LEKR1: variants seen among roughly 807,000 people sequenced by gnomAD.
LEKR1 encodes the protein leucine, glutamate and lysine rich 1.
LEKR1 carries 59 observed loss-of-function variants against 72.4 expected under a neutral mutation model. The ratio of observed to expected loss-of-function variants is 0.82; its 90% CI spans 0.66 to 1.01. The LOEUF is 1.01. Among genes scored for constraint, LEKR1 ranks in the 50% least tolerant of loss-of-function variants. LEKR1 has a pLI of 0.00. For synonymous variants in LEKR1, 257 were observed against 263.2 expected (o/e 0.98, Z 0.23); for missense variants, 728 against 759.2 (o/e 0.96, Z 0.48).
intron 4 of LEKR1, 37 bp downstream of exon 4, chr3:156,920,731 A>C (rs1405317530): frequency 1.8e-6 from 2 of 1,139,424 alleles, no homozygotes; most frequent in South Asian, 1.5e-5. Flanking sequence ...AAGATTGAAA[A>C]GATATGCTTA....
intron 7 of LEKR1, among the ~76,000 whole-genome samples, chr3:156,987,889 C>T (rs141750163): frequency 2.0e-5 from 3 of 152,256 alleles, no homozygotes; most frequent in African/African-American, 2.4e-5. Context: ...AGGCAATCTT[C>T]AAGCAATTAA....
chr3:157,043,924 G>A (rs1484023149), intron 12 of LEKR1, among the ~76,000 whole-genome samples: 1 of 152,154 alleles, frequency 6.6e-6, no homozygotes, highest in Non-Finnish European at 1.5e-5. Flanking sequence ...CAGGAATGCA[G>A]CTTTTATAAA....
chr3:156,919,826 C>G (rs903114955), intron 3 of LEKR1, among the ~76,000 whole-genome samples: 38 of 152,246 alleles, frequency 2.5e-4, no homozygotes, highest in Non-Finnish European at 5.0e-4. Context: ...TGTCAGACAT[C>G]TTTTTCCTCA....
At position 157,045,702 on chromosome 3, in the gene LEKR1, T is replaced by G; in HGVS notation, c.2031T>G (p.Thr677=). 1 of 1,612,960 alleles carries G rather than the reference T, an allele frequency of 6.2e-7. No individual in the cohort carries two copies. Among genetic ancestry groups the G allele is most frequent in the Non-Finnish European group, 8.5e-7 (1 of 1,179,998 alleles). Residue 677 remains threonine, a synonymous_variant, in exon 13 of 13, where the codon ACT becomes ACG. Coordinates refer to ENST00000356539, the MANE Select transcript of LEKR1 (RefSeq NM_001004316.3). ...GTGGAGCATCTTCAGCAAATGAGAC[T>G]AGACAGAGACTGGCTGCCATTCTTA... ...PRGGASSANE[T]RQRLAAILRR...
chr3:156,975,015 C>T (rs1023546721), intron 6 of LEKR1, among the ~76,000 whole-genome samples: 6 of 152,080 alleles, frequency 3.9e-5, no homozygotes, highest in Admixed American at 1.3e-4. Context: ...CTAACATGTG[C>T]GTGTTACTCC....
intron 3 of LEKR1, among the ~76,000 whole-genome samples, chr3:156,920,344 C>G (rs1457865878): frequency 1.3e-5 from 2 of 152,142 alleles, no homozygotes; most frequent in Non-Finnish European, 2.9e-5. Context: ...AGTTCTGCCT[C>G]TCTTCAATAT....
At chr3:156,994,101 C>T (rs1297626589) in intron 9 of LEKR1, among the ~76,000 whole-genome samples, 3 of 152,028 alleles carry the variant, frequency 2.0e-5, no homozygotes, top group African/African-American at 7.2e-5. Context: ...GCACAGAAGG[C>T]ACATGATAGG....
At chr3:156,891,176 T>A (rs1433779985) in intron 3 of LEKR1, among the ~76,000 whole-genome samples, 1 of 152,106 alleles carries the variant, frequency 6.6e-6, no homozygotes, top group Non-Finnish European at 1.5e-5. Context: ...AGAGCTGCCA[T>A]GCTTCTTTTT....
chr3:156,863,704 A>T (rs1560034001), intron 3 of LEKR1, among the ~76,000 whole-genome samples: 1 of 152,134 alleles, frequency 6.6e-6, no homozygotes, highest in Non-Finnish European at 1.5e-5. Flanking sequence ...ATGCTCACAC[A>T]GCTGATCAAA....
At chr3:156,858,664 G>C (rs1298999111) in intron 3 of LEKR1, among the ~76,000 whole-genome samples, 1 of 141,470 alleles carries the variant, frequency 7.1e-6, no homozygotes, top group Non-Finnish European at 1.5e-5. Flanking sequence ...GGCAGAGCGA[G>C]ACCCTGTCTC....
At chr3:156,904,568 T>C (rs1722350644) in intron 3 of LEKR1, among the ~76,000 whole-genome samples, 1 of 151,724 alleles carries the variant, frequency 6.6e-6, no homozygotes, top group South Asian at 2.1e-4. Flanking sequence ...CAAGCAATAC[T>C]GCTGTCTCAA....
chr3:156,846,893 G>C (rs1159953997), intron 2 of LEKR1, among the ~76,000 whole-genome samples: 1 of 152,090 alleles, frequency 6.6e-6, no homozygotes, highest in East Asian at 1.9e-4. Context: ...GCTCACTGCA[G>C]CCTCTGCCTC....
intron 9 of LEKR1, among the ~76,000 whole-genome samples, chr3:157,009,612 T>C (rs747454229): frequency 2.6e-4 from 39 of 152,102 alleles, no homozygotes; most frequent in Non-Finnish European, 5.0e-4. Context: ...TTTCTTTGCT[T>C]GACCCTGGAT....
chr3:156,874,718 C>A (rs1004370227), intron 3 of LEKR1, among the ~76,000 whole-genome samples: 2 of 152,078 alleles, frequency 1.3e-5, no homozygotes, highest in Non-Finnish European at 1.5e-5. Flanking sequence ...TCCCTAAGTT[C>A]ATTATATTAT....
chr3:156,965,973 A>G (rs114922917), intron 6 of LEKR1, among the ~76,000 whole-genome samples: 2,797 of 152,294 alleles, frequency 0.018, 77 homozygotes, highest in African/African-American at 0.063. Context: ...ATATGATAAT[A>G]TATATGTATA....
At chr3:156,862,935 C>T (rs1291969782) in intron 3 of LEKR1, among the ~76,000 whole-genome samples, 1 of 151,900 alleles carries the variant, frequency 6.6e-6, no homozygotes, top group African/African-American at 2.4e-5. Context: ...TTTAAAAGGG[C>T]ATAATAAAAT....
chr3:157,027,203 A>T (rs1402693679), intron 11 of LEKR1, among the ~76,000 whole-genome samples: 1 of 151,054 alleles, frequency 6.6e-6, no homozygotes, highest in Non-Finnish European at 1.5e-5. Flanking sequence ...TAAATTTGAG[A>T]GTCAGTTGTT....
intron 7 of LEKR1, among the ~76,000 whole-genome samples, chr3:156,985,440 A>G (rs1255750004): frequency 1.3e-5 from 2 of 152,228 alleles, no homozygotes; most frequent in Non-Finnish European, 2.9e-5. Flanking sequence ...CATGAAGGCC[A>G]GTTGTAGTGA....
chr3:156,847,988 A>G (rs1469592675), intron 2 of LEKR1, among the ~76,000 whole-genome samples: 1 of 152,202 alleles, frequency 6.6e-6, no homozygotes, highest in Non-Finnish European at 1.5e-5. Flanking sequence ...TCAGGCTGCA[A>G]ATCTACTCCA....
Sources: gnomAD v4.1 joint callset for allele counts (sites outside exome capture counted in the v4.1 genomes callset) on GRCh38, gnomAD v4.1.1 for gene constraint, MANE v1.5 for transcripts, NCBI Gene and HGNC (gene_info 2026-07-23, HGNC 2026-07-21) for gene names.